Variants in ADAM12 observed in about 807,000 individuals in gnomAD.
ADAM12 encodes ADAM metallopeptidase domain 12.
A neutral mutation model predicts 106.4 loss-of-function variants in ADAM12; 70 were observed. That is an observed-to-expected ratio of 0.66 (90% CI 0.54 to 0.80). The LOEUF (loss-of-function observed/expected upper bound fraction) is 0.80. Among genes scored for constraint, ADAM12 ranks in the 30% least tolerant of loss-of-function variants. The probability of loss-of-function intolerance (pLI) is 0.00; values close to 1 mark genes in which losing one functional copy is unlikely to be tolerated. For synonymous variants in ADAM12, 420 were observed against 433.5 expected, an observed-to-expected ratio of 0.97 and a Z score of 0.39; for missense variants, 1,010 against 1,171.9, an observed-to-expected ratio of 0.86 and a Z score of 2.02.
chr10:126,376,072 G>A (rs1856282653), intron 1 of ADAM12, among the ~76,000 whole-genome samples: 1 of 149,650 alleles, frequency 6.7e-6, no homozygotes, highest in Non-Finnish European at 1.5e-5. Context: ...TCATTGTAAT[G>A]GATATGCTAC....
chr10:126,250,450 G>A (rs538105700), intron 3 of ADAM12, among the ~76,000 whole-genome samples: 4 of 152,288 alleles, frequency 2.6e-5, no homozygotes, highest in Admixed American at 1.3e-4. Flanking sequence ...TTTTTAGGCA[G>A]GGAATATTCT....
At chr10:126,148,329 A>C (rs1427307497) in intron 4 of ADAM12, among the ~76,000 whole-genome samples, 1 of 152,232 alleles carries the variant, frequency 6.6e-6, no homozygotes, top group Admixed American at 6.5e-5. Flanking sequence ...AGAGGAGATG[A>C]GTCAGCAAAT....
chr10:126,172,343 G>A (rs895492360), intron 3 of ADAM12, among the ~76,000 whole-genome samples: 8 of 152,068 alleles, frequency 5.3e-5, no homozygotes, highest in Admixed American at 1.3e-4. Flanking sequence ...GTTATTAGAG[G>A]GTCCTGAGGA....
In ADAM12 at chr10:126,192,384, G is replaced by C. The variant is rs150609853; in HGVS notation, c.261-37079C>G. Reference sequence around the variant, plus strand: ...TACATTGAGCACCCTGTCTGCTGGAGGCACCCCTGTCCTGAGTGCAAAGGG... The same window carrying C: ...TACATTGAGCACCCTGTCTGCTGGACGCACCCCTGTCCTGAGTGCAAAGGG... On this transcript the variant is annotated intron_variant, in intron 3 of 22. Transcript: ENST00000448723. 5.3e-5 allele frequency among the ~76,000 whole-genome samples: 8 copies of C among 152,276 alleles called. No individual in the cohort carries two copies. In the East Asian group the frequency reaches 1.5e-3, roughly 29 times the overall value.
At position 126,288,812 on chromosome 10, in the gene ADAM12, G is replaced by A. The variant is rs184854977; in HGVS notation, c.187-9824C>T. On this transcript the variant is annotated intron_variant, in intron 2 of 22. Coordinates refer to ENST00000448723, the MANE Select transcript of ADAM12 (RefSeq NM_001288973.2). ...GACTCTAAGGACCTGACCACATGGT[G>A]ACACGGTGGCCCAGGGACAGGAAAG... Among the ~76,000 whole-genome samples the A allele has an allele frequency of 6.3e-4, 96 of 151,286 alleles. 2 individuals are homozygous for A. In the East Asian group the frequency reaches 0.016, roughly 26 times the overall value.
In ADAM12 at chr10:126,181,592, G is replaced by A. The variant is rs115950511; in HGVS notation, c.261-26287C>T. 5.4e-3 allele frequency among the ~76,000 whole-genome samples: 827 copies of A among 152,152 alleles called. 12 individuals are homozygous for A. The highest frequency in any genetic ancestry group is 0.019 in the African/African-American group (787 of 41,520). ...CAGCCACTCAAGAAACATTAATTAC[G>A]AGCCTGCTAAGTGTCAGGTGCCGTC... On this transcript the variant is annotated intron_variant, in intron 3 of 22. Coordinates refer to ENST00000448723, the MANE Select transcript of ADAM12 (RefSeq NM_001288973.2).
chr10:126,074,947 A>G (rs1358983763), intron 11 of ADAM12, among the ~76,000 whole-genome samples: 1 of 152,092 alleles, frequency 6.6e-6, no homozygotes, highest in East Asian at 1.9e-4. Flanking sequence ...ACTCCTGACC[A>G]TGGGTGACAG....
chr10:126,136,745 G>A (rs144302978), intron 4 of ADAM12, among the ~76,000 whole-genome samples: 3 of 152,300 alleles, frequency 2.0e-5, no homozygotes, highest in Admixed American at 6.5e-5. Context: ...TGGTCTCAAC[G>A]TAGATGACAA....
chr10:126,051,080 C>T (rs564425294), intron 14 of ADAM12, among the ~76,000 whole-genome samples: 15 of 152,126 alleles, frequency 9.9e-5, no homozygotes, highest in African/African-American at 3.4e-4. Context: ...CTGATTTGTC[C>T]GCATTCTGCC....
intron 2 of ADAM12, among the ~76,000 whole-genome samples, chr10:126,316,734 T>C (rs973588053): frequency 6.1e-5 from 9 of 148,058 alleles, no homozygotes; most frequent in Admixed American, 4.8e-4. Flanking sequence ...GATGGTGCAC[T>C]GATTGTGCCA....
At chr10:126,340,906 G>A (rs562465573) in intron 1 of ADAM12, among the ~76,000 whole-genome samples, 124 of 151,992 alleles carry the variant, frequency 8.2e-4, no homozygotes, top group Admixed American at 2.1e-3. Flanking sequence ...TGGTAGAGAC[G>A]GGGTTTCACC....
intron 3 of ADAM12, among the ~76,000 whole-genome samples, chr10:126,269,865 G>A (rs1196339926): frequency 6.6e-6 from 1 of 152,136 alleles, no homozygotes; most frequent in Non-Finnish European, 1.5e-5. Flanking sequence ...ACCCAGAGGG[G>A]CCTGTTTTAA....
intron 11 of ADAM12, among the ~76,000 whole-genome samples, chr10:126,080,536 A>G (rs534187129): frequency 1.3e-5 from 2 of 152,254 alleles, no homozygotes; most frequent in Non-Finnish European, 2.9e-5. Flanking sequence ...CAGGAAAAAA[A>G]AGTGCTGCTT....
intron 6 of ADAM12, among the ~76,000 whole-genome samples, chr10:126,114,902 T>C (rs1271752385): frequency 6.6e-6 from 1 of 152,238 alleles, no homozygotes; most frequent in Admixed American, 6.5e-5. Context: ...CAAACAGTTC[T>C]GGCCAGTTCC....
intron 18 of ADAM12, chr10:126,042,048 A>C (rs1298602045): frequency 1.0e-5 from 16 of 1,538,702 alleles, no homozygotes; most frequent in Non-Finnish European, 2.6e-6. Context: ...CCACAGAGTC[A>C]ATGCTGCCAG....
At chr10:126,054,431 G>T (rs999196044) in intron 14 of ADAM12, among the ~76,000 whole-genome samples, 8 of 152,248 alleles carry the variant, frequency 5.3e-5, no homozygotes, top group Admixed American at 6.5e-5. Flanking sequence ...CATCCAAAAG[G>T]TGTGGCTGAG....
intron 4 of ADAM12, among the ~76,000 whole-genome samples, chr10:126,146,513 G>A (rs1223711461): frequency 1.3e-5 from 2 of 151,994 alleles, no homozygotes; most frequent in African/African-American, 2.4e-5. Context: ...TATCCCTCCC[G>A]TGCACATGAC....
At chr10:126,299,874 C>T (rs1480650414) in intron 2 of ADAM12, among the ~76,000 whole-genome samples, 1 of 152,152 alleles carries the variant, frequency 6.6e-6, no homozygotes, top group African/African-American at 2.4e-5. Flanking sequence ...GAACTCCTGA[C>T]CTCAGTTGAT....
rs1165656895 is a variant in ADAM12 at position 126,121,351 on chromosome 10, ATATAT to A, written c.417-3132_417-3128del. Among the ~76,000 whole-genome samples the A allele has an allele frequency of 1.5e-4, 18 of 124,118 alleles. No homozygotes were observed. The East Asian group carries it at 1.6e-3, about 11-fold the overall frequency. The allele number at this position is 124,118 out of a possible 152,430, so 81.4% of individuals were successfully genotyped here. On this transcript the variant is annotated intron_variant, in intron 5 of 22. Transcript: ENST00000448723. Reference sequence around the variant, plus strand: ...TAATATATATTATCTTACATGTAACATATATTATATATTACATATGCAATTATATA... The same window carrying A: ...TAATATATATTATCTTACATGTAACATATATATTACATATGCAATTATATA...
Sources: gnomAD v4.1 joint callset for allele counts (sites outside exome capture counted in the v4.1 genomes callset) on GRCh38, gnomAD v4.1.1 for gene constraint, MANE v1.5 for transcripts, NCBI Gene and HGNC (gene_info 2026-07-23, HGNC 2026-07-21) for gene names.